Variants in WNK1 observed in about 807,000 individuals in gnomAD.
WNK1 encodes WNK lysine deficient protein kinase 1.
WNK1 carries 38 observed loss-of-function variants against 222.8 expected under a neutral mutation model. The observed-to-expected ratio is 0.17, with a 90% CI of 0.13 to 0.22. The LOEUF is 0.22. Among genes scored for constraint, WNK1 ranks in the 10% least tolerant of loss-of-function variants. The probability of loss-of-function intolerance (pLI) is 1.00; values close to 1 mark genes in which losing one functional copy is unlikely to be tolerated. For missense variants in WNK1, 2,348 were observed against 2,918.4 expected, an observed-to-expected ratio of 0.80 and a Z score of 4.50; for synonymous variants, 1,090 against 1,092.9, an observed-to-expected ratio of 1.00 and a Z score of 0.05.
chr12:766,158 G>A (rs1425237198), intron 1 of WNK1, among the ~76,000 whole-genome samples: 1 of 152,098 alleles, frequency 6.6e-6, no homozygotes, highest in Non-Finnish European at 1.5e-5. Context: ...GGGTGATAAG[G>A]CGATAAGGTT....
chr12:873,970 A>G (rs1476948605), intron 9 of WNK1, among the ~76,000 whole-genome samples: 1 of 151,932 alleles, frequency 6.6e-6, no homozygotes, highest in African/African-American at 2.4e-5. Flanking sequence ...CAAGGTACCA[A>G]AAATAGCTGC....
intron 1 of WNK1, among the ~76,000 whole-genome samples, chr12:758,051 A>AAG (rs1555072604): frequency 6.8e-5 from 6 of 88,270 alleles, no homozygotes; most frequent in African/African-American, 2.1e-4. Context: ...AAAAAAAAAA[A>AAG]AAAGAAAGAA....
chr12:799,297 AT>A (rs202143100), intron 1 of WNK1, among the ~76,000 whole-genome samples: 2,879 of 138,846 alleles, frequency 0.021, 66 homozygotes, highest in African/African-American at 0.058. Context: ...TAATTTTTGT[AT>A]TTTTTTTTTT....
chr12:807,810 C>G (rs1273635104), intron 1 of WNK1, among the ~76,000 whole-genome samples: 1 of 150,442 alleles, frequency 6.6e-6, no homozygotes, highest in Non-Finnish European at 1.5e-5. Context: ...AGCTCCGCCT[C>G]CCGGGTTCAC....
At position 821,259 on chromosome 12, in the gene WNK1, A is replaced by C. The variant is rs866863022; in HGVS notation, c.933-5783A>C. 1.2e-4 allele frequency among the ~76,000 whole-genome samples: 18 copies of C among 151,968 alleles called. No individual in the cohort carries two copies. The Middle Eastern group carries it at 9.5e-3, about 80-fold the overall frequency. ...TTTGGCTTGCCAATATTTTGTTGAG[A>C]GTTTTTACATCTACATTAATAACGG... On this transcript the variant is annotated intron_variant, in intron 2 of 27. Coordinates refer to ENST00000315939, the MANE Select transcript of WNK1 (RefSeq NM_018979.4).
In WNK1 at chr12:864,909, C is replaced by T. The variant is rs16931963; in HGVS notation, c.2139+2639C>T. Among the ~76,000 whole-genome samples, 4,692 of 151,830 alleles carry T rather than the reference C, an allele frequency of 0.031. 241 individuals carry two copies. The highest frequency in any genetic ancestry group is 0.11 in the African/African-American group (4,391 of 41,350). On this transcript the variant is annotated intron_variant, in intron 8 of 27. Coordinates refer to ENST00000315939, the MANE Select transcript of WNK1 (RefSeq NM_018979.4). ...CATTAAACCTGTCCTTGACTGACAA[C>T]GCAGAATAGTTGTGAATAGTTGTGA... is the stretch of plus-strand genomic sequence containing the variant.
At chr12:788,748 G>A (rs933762349) in intron 1 of WNK1, among the ~76,000 whole-genome samples, 13 of 152,042 alleles carry the variant, frequency 8.6e-5, no homozygotes, top group African/African-American at 2.9e-4. Flanking sequence ...TTAGCCGGGC[G>A]TGGTGGCAGT....
intron 25 of WNK1, among the ~76,000 whole-genome samples, chr12:898,863 G>T (rs771012100): frequency 1.6e-4 from 25 of 151,896 alleles, no homozygotes; most frequent in Admixed American, 3.9e-4. Flanking sequence ...CCTCAGCCCC[G>T]CATAGTAGCT....
intron 1 of WNK1, among the ~76,000 whole-genome samples, chr12:789,823 A>AGCCCCTTAT (rs1361714349): frequency 6.6e-6 from 1 of 152,188 alleles, no homozygotes; most frequent in Non-Finnish European, 1.5e-5. Context: ...CATGTATTTC[A>AGCCCCTTAT]GGCTAATGCC....
At chr12:813,904 T>G (rs1472980796) in intron 2 of WNK1, 90 bp downstream of exon 2, 23 of 1,420,530 alleles carry the variant, frequency 1.6e-5, no homozygotes, top group Non-Finnish European at 2.0e-5. Context: ...ACTTTGGTTG[T>G]TCAGCCTAAG....
In WNK1 at chr12:827,156, T is replaced by C. The variant is rs768202833; in HGVS notation, c.1047T>C (p.Asp349=). The C allele has an allele frequency of 1.9e-6, 3 of 1,614,178 alleles. No homozygotes were observed. The South Asian group carries it at 3.3e-5, about 18-fold the overall frequency. The change falls in exon 3 of 28, where the codon GAT becomes GAC. Residue 349 remains aspartate (D), a synonymous_variant. Transcript: ENST00000315939. This position sits in a 1 kb window ranked among gnomAD's most constrained non-coding sequence, Gnocchi z 4.6. ...HTRTPPIIHR[D]LKCDNIFITG... ...GAACTCCACCTATCATTCACCGCGA[T>C]CTTAAATGTGACAACATCTTTATCA...
intron 8 of WNK1, chr12:865,453 A>C: frequency 6.9e-7 from 1 of 1,441,238 alleles, no homozygotes; most frequent in South Asian, 1.4e-5. Flanking sequence ...TTGAATAAAG[A>C]ACAGGACTAA....
rs1308984017 is a variant in WNK1 at position 910,954 on chromosome 12, G to A, written c.*2162G>A. 1.4e-5 allele frequency: 3 copies of A among 209,848 alleles called. No individual in the cohort carries two copies. The highest frequency in any genetic ancestry group is 2.8e-5 in the Non-Finnish European group (3 of 106,848). The allele number at this position is 209,848 out of a possible 1,614,324, so 13.0% of individuals were successfully genotyped here. A position where few individuals can be genotyped will look rare whatever the true frequency, so the allele number is the denominator to read the frequency against. ...AGAACCAACAAGGGGCTGAGTAGCT[G>A]AGAAAGGGGCCACCCAAGAGTGAAA... On this transcript the variant is annotated 3_prime_UTR_variant, in exon 28 of 28. Transcript: ENST00000315939.
At chr12:846,253 C>T (rs1411666072) in intron 4 of WNK1, among the ~76,000 whole-genome samples, 1 of 152,174 alleles carries the variant, frequency 6.6e-6, no homozygotes, top group African/African-American at 2.4e-5. Flanking sequence ...TAATTGTATG[C>T]TATACTTGTA....
At position 874,633 on chromosome 12, in the gene WNK1, A is replaced by C. The variant is rs1592127338; in HGVS notation, c.2223+3285A>C. 2.0e-5 allele frequency among the ~76,000 whole-genome samples: 3 copies of C among 152,304 alleles called. No individual in the cohort carries two copies. In the East Asian group the frequency reaches 5.8e-4, roughly 29 times the overall value. On this transcript the variant is annotated intron_variant, in intron 9 of 27. Transcript: ENST00000315939. The stretch of plus-strand genomic sequence containing the variant: ...AAATAATATAGTAAATATATATGTA[A>C]ATTTCTAAAAAACAAATAAGGATAA...
chr12:813,884 T>A (rs1947108855), intron 2 of WNK1, 70 bp downstream of exon 2: 2 of 1,530,230 alleles, frequency 1.3e-6, no homozygotes, highest in Non-Finnish European at 1.8e-6. Context: ...ATTTCAGGTC[T>A]ACCAGTTTCA....
At chr12:837,838 G>A (rs905578358) in intron 4 of WNK1, among the ~76,000 whole-genome samples, 1 of 152,124 alleles carries the variant, frequency 6.6e-6, no homozygotes, top group African/African-American at 2.4e-5. Flanking sequence ...ACATGATAAA[G>A]ATATTCTGCA....
chr12:795,366 C>T (rs1945219020), intron 1 of WNK1, among the ~76,000 whole-genome samples: 1 of 149,506 alleles, frequency 6.7e-6, no homozygotes, highest in Non-Finnish European at 1.5e-5. Flanking sequence ...CCAAGTCTCA[C>T]TTTGAAATGT....
chr12:800,185 A>G (rs1350677970), intron 1 of WNK1, among the ~76,000 whole-genome samples: 2 of 152,158 alleles, frequency 1.3e-5, no homozygotes, highest in Non-Finnish European at 2.9e-5. Context: ...TTTGGACTGA[A>G]AGAAGAAATG....
Sources: allele counts gnomAD v4.1 joint callset (sites outside exome capture counted in the v4.1 genomes callset), GRCh38; gene constraint gnomAD v4.1.1; non-coding constraint Gnocchi (gnomAD v3.1); transcripts MANE v1.5; gene names NCBI Gene and HGNC (gene_info 2026-07-23, HGNC 2026-07-21).